PPP1R18: variants seen among roughly 807,000 people sequenced by gnomAD.
The protein encoded by PPP1R18 is phostensin.
Under a neutral mutation model 54.8 loss-of-function variants are expected in PPP1R18, and 31 were observed. The ratio of observed to expected loss-of-function variants is 0.57; its 90% CI spans 0.43 to 0.76. The LOEUF is 0.76. PPP1R18 is among the 30% of genes least tolerant of loss of function. PPP1R18 has a pLI of 0.00. For missense variants in PPP1R18, 685 were observed against 776.1 expected (o/e 0.88, Z 1.39); for synonymous variants, 310 against 320.2 (o/e 0.97, Z 0.34).
chr6:30,684,729 AGGGGCTGGTGGTG>A lies in PPP1R18; in HGVS notation c.1277_1289del (p.Pro426LeufsTer20), dbSNP rs1370192221. The A allele has an allele frequency of 3.9e-6, 6 of 1,531,698 alleles. No homozygotes were observed. 94.9% of individuals were successfully genotyped at this position (1,531,698 alleles called of 1,614,324 possible). Reference sequence around the variant, plus strand: ...TTGGGGCTGGGGGTGGGGGAGACAGAGGGGCTGGTGGTGGGGGCTGGAGCTCCACTGCTTCCTC... The same window carrying A: ...TTGGGGCTGGGGGTGGGGGAGACAGAGGGGCTGGAGCTCCACTGCTTCCTC... On this transcript the variant is annotated frameshift_variant, in exon 1 of 3. Coordinates refer to ENST00000274853, the MANE Select transcript of PPP1R18 (RefSeq NM_133471.4). LOFTEE classifies it high-confidence loss of function. The surrounding 1 kb of genome is among the most constrained non-coding windows in gnomAD (Gnocchi z 6.0).
At chr6:30,688,348 G>A (rs1771165205), upstream of PPP1R18, 1 of 451,124 alleles carries the variant, frequency 2.2e-6, no homozygotes, top group Non-Finnish European at 4.0e-6. The surrounding 1 kb of genome is among the most constrained non-coding windows in gnomAD (Gnocchi z 5.9). Flanking sequence ...CAGGGGAGTG[G>A]TCAGGGCAGA....
In PPP1R18 at chr6:30,684,312, A is replaced by C; in HGVS notation, c.1611+96T>G. 8.1e-7 allele frequency: 1 copy of C among 1,241,562 alleles called. No homozygotes were observed. The highest frequency in any genetic ancestry group is 1.1e-6 in the Non-Finnish European group (1 of 901,894). The allele number at this position is 1,241,562 out of a possible 1,614,324, so 76.9% of individuals were successfully genotyped here. A position where few individuals can be genotyped will look rare whatever the true frequency, so the allele number is the denominator to read the frequency against. ...GGAATTAACAAGAAAGAATAGAGGA[A>C]GACAAGAAAACAGGGGTATAAAAAA... On this transcript the variant is annotated intron_variant, in intron 1 of 2. Transcript: ENST00000274853. This position sits in a 1 kb window ranked among gnomAD's most constrained non-coding sequence, Gnocchi z 6.0.
In PPP1R18 at chr6:30,685,503, C is replaced by A. The variant is rs1770853476; in HGVS notation, c.516G>T (p.Trp172Cys). ...CTCCCACCTCTCCTGGGCTTTGCCT[C>A]CAGTCCCGAGCCTCCAGAGGCCTCA... ...LSLRPLEARDWRQSPGEVGDR... is the reference protein window; with the variant it reads ...LSLRPLEARDCRQSPGEVGDR... The change falls in exon 1 of 3, where the codon TGG (tryptophan) becomes TGT (cysteine). Residue 172 changes from tryptophan (W) to cysteine (C), a missense_variant. Transcript: ENST00000274853. This position sits in a 1 kb window ranked among gnomAD's most constrained non-coding sequence, Gnocchi z 5.0. 1.2e-6 allele frequency: 2 copies of A among 1,613,078 alleles called. No homozygotes were observed.
At chr6:30,680,460 G>A (rs1770480142) in intron 1 of PPP1R18, among the ~76,000 whole-genome samples, 1 of 152,122 alleles carries the variant, frequency 6.6e-6, no homozygotes, top group Non-Finnish European at 1.5e-5. Context: ...ACATCCCTGA[G>A]TCCCCTAATG....
chr6:30,686,071 A>C lies in PPP1R18; in HGVS notation c.-53T>G. ...ACTGGGGACAGAGAACAGGAAGGAG[A>C]GGCTCCAGAGAGTGAGACAGCCCGG... On this transcript the variant is annotated 5_prime_UTR_variant, in exon 1 of 3. Coordinates refer to ENST00000274853, the MANE Select transcript of PPP1R18 (RefSeq NM_133471.4). 6.7e-7 allele frequency: 1 copy of C among 1,499,564 alleles called. No homozygotes were observed. Among genetic ancestry groups the C allele is most frequent in the Non-Finnish European group, 8.8e-7 (1 of 1,131,122 alleles). 92.9% of individuals were successfully genotyped at this position (1,499,564 alleles called of 1,614,324 possible).
Position 30,685,466 on chromosome 6 carries a change from G to C in PPP1R18, c.553C>G (p.Arg185Gly). The change falls in exon 1 of 3, where the codon CGA (arginine) becomes GGA (glycine). Residue 185 changes from arginine to glycine, a missense_variant. Transcript: ENST00000274853. The surrounding 1 kb of genome is among the most constrained non-coding windows in gnomAD (Gnocchi z 5.0). Reference sequence around the variant, plus strand: ...CTCCATTTCCATGCCTCTGACAGTCGGGAGCTCCTGTCTCCCACCTCTCCT... The same window carrying C: ...CTCCATTTCCATGCCTCTGACAGTCCGGAGCTCCTGTCTCCCACCTCTCCT... Reference protein sequence around the residue: ...SPGEVGDRSSRLSEAWKWRLS... With the variant: ...SPGEVGDRSSGLSEAWKWRLS... 1 of 1,612,898 alleles carries C rather than the reference G, an allele frequency of 6.2e-7. No individual in the cohort carries two copies. Among genetic ancestry groups the C allele is most frequent in the South Asian group, 1.1e-5 (1 of 91,078 alleles).
Position 30,679,408 on chromosome 6 carries a change from G to C in PPP1R18, c.1612-19C>G. On this transcript the variant is annotated intron_variant, in intron 1 of 2. Transcript: ENST00000274853. The stretch of plus-strand genomic sequence containing the variant: ...TCTTAAGCTGAAGGAGGGAGAAAAA[G>C]GGGGCAGGAGGCAAGGTCAGCAGGG... 2.5e-6 allele frequency: 4 copies of C among 1,575,410 alleles called. No homozygotes were observed. The highest frequency in any genetic ancestry group is 2.4e-5 in the East Asian group (1 of 41,854).
chr6:30,679,096 G>GTAA, intron 2 of PPP1R18, 83 bp downstream of exon 2: 1 of 1,221,668 alleles, frequency 8.2e-7, no homozygotes, highest in Non-Finnish European at 1.2e-6. Context: ...GTGCCTACAT[G>GTAA]TAATCCTCCC....
chr6:30,677,691 A>G (rs1431752196), intron 2 of PPP1R18, among the ~76,000 whole-genome samples: 1 of 152,028 alleles, frequency 6.6e-6, no homozygotes, highest in African/African-American at 2.4e-5. Context: ...TACTAAAAAT[A>G]TAAAAACTAG....
Position 30,685,239 on chromosome 6 carries a change from C to T in PPP1R18, c.780G>A (p.Glu260=). The change falls in exon 1 of 3, where the codon GAG becomes GAA. Residue 260 remains glutamate, a synonymous_variant. Transcript: ENST00000274853. The surrounding 1 kb of genome is among the most constrained non-coding windows in gnomAD (Gnocchi z 5.0). The part of the protein sequence containing the change: ...EQSLVQLEAT[E]WRLRSGEERQ... ...TTTCTTCTCCTGACCTCAGCCTCCA[C>T]TCTGTTGCCTCCAGTTGTACCAAAC... The T allele has an allele frequency of 6.2e-7, 1 of 1,613,092 alleles. No individual in the cohort carries two copies. The highest frequency in any genetic ancestry group is 8.5e-7 in the Non-Finnish European group (1 of 1,180,036).
At chr6:30,677,358 C>T (rs527925128) in intron 2 of PPP1R18, 70 bp from the exon 3 acceptor site, 2 of 1,381,618 alleles carry the variant, frequency 1.4e-6, no homozygotes, top group African/African-American at 1.5e-5. Context: ...CCTTCCCCCC[C>T]ACACAAATTG....
chr6:30,680,616 C>T (rs1464474665), intron 1 of PPP1R18, among the ~76,000 whole-genome samples: 1 of 151,752 alleles, frequency 6.6e-6, no homozygotes, highest in Admixed American at 6.6e-5. Flanking sequence ...ATTTCTTGAG[C>T]CCAGGAGTTC....
rs962235747 is a variant in PPP1R18 at position 30,679,392 on chromosome 6, G to A, written c.1612-3C>T. 5 of 1,573,828 alleles carry A rather than the reference G, an allele frequency of 3.2e-6. No homozygotes were observed. The highest frequency in any genetic ancestry group is 2.4e-5 in the East Asian group (1 of 40,930). Reference sequence around the variant, plus strand: ...GTCTCGCTGAAGGAGATCTTAAGCTGAAGGAGGGAGAAAAAGGGGGCAGGA... The same window carrying A: ...GTCTCGCTGAAGGAGATCTTAAGCTAAAGGAGGGAGAAAAAGGGGGCAGGA... On this transcript the variant is annotated splice_region_variant and splice_polypyrimidine_tract_variant and intron_variant, in intron 1 of 2. Transcript: ENST00000274853.
chr6:30,684,710 C>T lies in PPP1R18; in HGVS notation c.1309G>A (p.Ala437Thr). 1 of 1,215,092 alleles carries T rather than the reference C, an allele frequency of 8.2e-7. No individual in the cohort carries two copies. The allele number at this position is 1,215,092 out of a possible 1,614,324, so 75.3% of individuals were successfully genotyped here. The part of the protein sequence containing the change: ...PPAPLSPPPP[A>T]PTAPQPPGDP... ...CCAGGAGGTTGGGGGGCAGTTGGGGCTGGGGGTGGGGGAGACAGAGGGGCT... is the reference window on the plus strand; with the variant it reads ...CCAGGAGGTTGGGGGGCAGTTGGGGTTGGGGGTGGGGGAGACAGAGGGGCT... The change falls in exon 1 of 3, where the codon GCC becomes ACC. Residue 437 changes from alanine (A) to threonine (T), a missense_variant. Ala to Thr is a moderately conservative substitution (Grantham distance 58). Coordinates refer to ENST00000274853, the MANE Select transcript of PPP1R18 (RefSeq NM_133471.4). This position sits in a 1 kb window ranked among gnomAD's most constrained non-coding sequence, Gnocchi z 6.0.
In PPP1R18 at chr6:30,685,621, C is replaced by T. The variant is rs372291981; in HGVS notation, c.398G>A (p.Ser133Asn). 3 of 1,612,972 alleles carry T rather than the reference C, an allele frequency of 1.9e-6. No homozygotes were observed. Among genetic ancestry groups the T allele is most frequent in the Non-Finnish European group, 2.5e-6 (3 of 1,180,028 alleles). Residue 133 changes from serine (S) to asparagine (N), a missense_variant, in exon 1 of 3, where the codon AGC becomes AAC. By Grantham distance (46) the Ser-to-Asn change is conservative. Coordinates refer to ENST00000274853, the MANE Select transcript of PPP1R18 (RefSeq NM_133471.4). The surrounding 1 kb of genome is among the most constrained non-coding windows in gnomAD (Gnocchi z 5.0). Reference protein sequence around the residue: ...RPSPGEMRDQSPKGRESREER... With the variant: ...RPSPGEMRDQNPKGRESREER... Reference sequence around the variant, plus strand: ...TTCTCTTGACTCTCTTCCCTTGGGGCTCTGATCCCGCATCTCCCCAGGGCT... The same window carrying T: ...TTCTCTTGACTCTCTTCCCTTGGGGTTCTGATCCCGCATCTCCCCAGGGCT...
At chr6:30,681,708 G>A (rs1770559579) in intron 1 of PPP1R18, among the ~76,000 whole-genome samples, 1 of 151,898 alleles carries the variant, frequency 6.6e-6, no homozygotes, top group Non-Finnish European at 1.5e-5. Context: ...AGGTTGCAGT[G>A]AGCCGAAATC....
rs1350964647 is a variant in PPP1R18 at position 30,683,949 on chromosome 6, C to G, written c.1611+459G>C. On this transcript the variant is annotated intron_variant, in intron 1 of 2. Coordinates refer to ENST00000274853, the MANE Select transcript of PPP1R18 (RefSeq NM_133471.4). This position sits in a 1 kb window ranked among gnomAD's most constrained non-coding sequence, Gnocchi z 5.1. ...GCAGTTTCTCCCTAGAACACAAACC[C>G]ACCCCACCCCCTCCACCACCCCAGG... Among the ~76,000 whole-genome samples the G allele has an allele frequency of 6.6e-5, 10 of 151,994 alleles. No individual in the cohort carries two copies. Among genetic ancestry groups the G allele is most frequent in the Non-Finnish European group, 1.2e-4 (8 of 67,990 alleles).
At position 30,679,925 on chromosome 6, in the gene PPP1R18, G is replaced by A. The variant is rs1242971129; in HGVS notation, c.1612-536C>T. Among the ~76,000 whole-genome samples, 3 of 151,986 alleles carry A rather than the reference G, an allele frequency of 2.0e-5. 1 individual carries two copies. The highest frequency in any genetic ancestry group is 2.0e-4 in the Admixed American group (3 of 15,254). On this transcript the variant is annotated intron_variant, in intron 1 of 2. Coordinates refer to ENST00000274853, the MANE Select transcript of PPP1R18 (RefSeq NM_133471.4). ...TACCCACAGCCCCTTGCTGTCCTAT[G>A]CAAAACCCAGGACCCTGGGCACCTG...
chr6:30,685,524 C>A lies in PPP1R18; in HGVS notation c.495G>T (p.Arg165Ser), dbSNP rs1299459321. The change falls in exon 1 of 3, where the codon AGG (arginine) becomes AGT (serine). Residue 165 changes from arginine to serine, a missense_variant. Coordinates refer to ENST00000274853, the MANE Select transcript of PPP1R18 (RefSeq NM_133471.4). The surrounding 1 kb of genome is among the most constrained non-coding windows in gnomAD (Gnocchi z 5.0). ...GCCTCCAGTCCCGAGCCTCCAGAGGCCTCAGGCTCAACTCTTGGGCTCCCC... is the reference window on the plus strand; with the variant it reads ...GCCTCCAGTCCCGAGCCTCCAGAGGACTCAGGCTCAACTCTTGGGCTCCCC... The part of the protein sequence containing the change: ...GIGGAQELSL[R>S]PLEARDWRQS... 1.2e-5 allele frequency: 20 copies of A among 1,612,958 alleles called. No individual in the cohort carries two copies. Among genetic ancestry groups the A allele is most frequent in the Non-Finnish European group, 1.6e-5 (19 of 1,180,048 alleles).
Sources: gnomAD v4.1 joint callset for allele counts (sites outside exome capture counted in the v4.1 genomes callset) on GRCh38, gnomAD v4.1.1 for gene constraint, Gnocchi (gnomAD v3.1) non-coding constraint, MANE v1.5 for transcripts, NCBI Gene and HGNC (gene_info 2026-07-23, HGNC 2026-07-21) for gene names.